KCNH7: variants seen among roughly 807,000 people sequenced by gnomAD.
KCNH7 encodes the protein voltage-gated inwardly rectifying potassium channel KCNH7.
A neutral mutation model predicts 120.8 loss-of-function variants in KCNH7; 49 were observed. The observed-to-expected ratio is 0.41, with a 90% CI of 0.32 to 0.51. The LOEUF is 0.51. KCNH7 is among the 20% of genes least tolerant of loss of function. The probability of loss-of-function intolerance (pLI) is 0.38; values close to 1 mark genes in which losing one functional copy is unlikely to be tolerated. For missense variants in KCNH7, 1,097 were observed against 1,446.6 expected, an observed-to-expected ratio of 0.76 and a Z score of 3.92; for synonymous variants, 547 against 516.1, an observed-to-expected ratio of 1.06 and a Z score of -0.81.
intron 2 of KCNH7, among the ~76,000 whole-genome samples, chr2:162,817,735 T>A (rs1435165465): frequency 2.0e-5 from 3 of 152,126 alleles, no homozygotes; most frequent in Non-Finnish European, 2.9e-5. Context: ...GTTCTCAGTC[T>A]TTTCAATTTT....
Position 162,770,824 on chromosome 2 carries a change from C to T in KCNH7, c.307+65713G>A, listed in dbSNP as rs550669611. ...GAATTTCCCAAATATTTGCAACTAA[C>T]GTCCCACTAGTTATCTCAATTGCAC... On this transcript the variant is annotated intron_variant, in intron 2 of 15. Transcript: ENST00000332142. Among the ~76,000 whole-genome samples, 5 of 152,160 alleles carry T rather than the reference C, an allele frequency of 3.3e-5. No homozygotes were observed. The South Asian group carries it at 1.0e-3, about 32-fold the overall frequency.
intron 2 of KCNH7, among the ~76,000 whole-genome samples, chr2:162,732,497 T>C (rs1574318961): frequency 6.6e-6 from 1 of 151,908 alleles, no homozygotes; most frequent in African/African-American, 2.4e-5. Context: ...AAAGATAGAG[T>C]GCTTTAAAAG....
At chr2:162,471,108 C>CGGA (rs1689509292) in intron 6 of KCNH7, among the ~76,000 whole-genome samples, 1 of 152,144 alleles carries the variant, frequency 6.6e-6, no homozygotes, top group African/African-American at 2.4e-5. Context: ...ACAAACACTG[C>CGGA]GGAGGGCCGC....
intron 9 of KCNH7, among the ~76,000 whole-genome samples, chr2:162,408,278 G>T (rs1259468503): frequency 6.6e-6 from 1 of 151,992 alleles, no homozygotes; most frequent in Non-Finnish European, 1.5e-5. Context: ...TACCAATTGG[G>T]TATTGTTTCT....
chr2:162,466,046 C>T (rs889065399), intron 6 of KCNH7, among the ~76,000 whole-genome samples: 6 of 152,204 alleles, frequency 3.9e-5, no homozygotes, highest in African/African-American at 1.4e-4. Context: ...ACCGCATCTA[C>T]TTCCTTGCCA....
In KCNH7 at chr2:162,716,498, A is replaced by T. The variant is rs1293953360; in HGVS notation, c.307+120039T>A. Among the ~76,000 whole-genome samples, 3 of 152,284 alleles carry T rather than the reference A, an allele frequency of 2.0e-5. No homozygotes were observed. In the East Asian group the frequency reaches 5.8e-4, roughly 29 times the overall value. ...GAAGATAGATTATATGTGTTCTTTC[A>T]TCTCTGTTTCCTAGATTGCTGAGTG... On this transcript the variant is annotated intron_variant, in intron 2 of 15. Coordinates refer to ENST00000332142, the MANE Select transcript of KCNH7 (RefSeq NM_033272.4).
intron 6 of KCNH7, among the ~76,000 whole-genome samples, chr2:162,475,200 T>C (rs553808398): frequency 4.3e-4 from 65 of 152,354 alleles, no homozygotes; most frequent in Non-Finnish European, 6.0e-4. Context: ...ATGTGGCGAA[T>C]GACACTGTTT....
rs1325537534 is a variant in KCNH7, at chr2:162,379,940, G to C, written c.3044C>G (p.Ala1015Gly). 6.2e-7 allele frequency: 1 copy of C among 1,614,054 alleles called. No individual in the cohort carries two copies. Among genetic ancestry groups the C allele is most frequent in the Admixed American group, 1.7e-5 (1 of 60,008 alleles). The change falls in exon 14 of 16, where the codon GCT (alanine) becomes GGT (glycine). Residue 1015 changes from alanine to glycine, a missense_variant. Transcript: ENST00000332142. The stretch of plus-strand genomic sequence containing the variant: ...TTCGGTTTCAGAGATACCCCAGGCA[G>C]CTCGCTGAAGTGCAGATGGACTGGA... ...EDSSPSALQR[A>G]AWGISETESD...
At chr2:162,628,382 C>A (rs578155451) in intron 2 of KCNH7, among the ~76,000 whole-genome samples, 21 of 152,224 alleles carry the variant, frequency 1.4e-4, no homozygotes, top group African/African-American at 4.8e-4. Flanking sequence ...TTACCCCATC[C>A]TTTCCACACT....
At chr2:162,784,258 GT>G (rs1683618979) in intron 2 of KCNH7, among the ~76,000 whole-genome samples, 1 of 152,026 alleles carries the variant, frequency 6.6e-6, no homozygotes. Context: ...CTATCACATT[GT>G]TTTATTTAAT....
chr2:162,699,663 G>A (rs529427474), intron 2 of KCNH7, among the ~76,000 whole-genome samples: 10 of 152,134 alleles, frequency 6.6e-5, no homozygotes, highest in Non-Finnish European at 1.2e-4. Context: ...TTGATAGCAT[G>A]TCTTTTATTT....
chr2:162,712,267 G>GT (rs141319886), intron 2 of KCNH7, among the ~76,000 whole-genome samples: 3,102 of 149,332 alleles, frequency 0.021, 102 homozygotes, highest in African/African-American at 0.071. Flanking sequence ...TGTGATGCAC[G>GT]TTTTTTTTTT....
At position 162,815,860 on chromosome 2, in the gene KCNH7, A is replaced by G. The variant is rs1426883368; in HGVS notation, c.307+20677T>C. On this transcript the variant is annotated intron_variant, in intron 2 of 15. Coordinates refer to ENST00000332142, the MANE Select transcript of KCNH7 (RefSeq NM_033272.4). ...CATCTAAATTTCAGGATTATGGTGA[A>G]GAAGAGATCCATCTGACCACATAAG... Among the ~76,000 whole-genome samples the G allele has an allele frequency of 2.0e-5, 3 of 152,214 alleles. No homozygotes were observed. In the East Asian group the frequency reaches 5.8e-4, roughly 29 times the overall value.
In KCNH7 at chr2:162,451,393, A is replaced by G. The variant is rs1414327046; in HGVS notation, c.1129-4950T>C. Among the ~76,000 whole-genome samples the G allele has an allele frequency of 3.9e-5, 6 of 152,110 alleles. No individual in the cohort carries two copies. The East Asian group carries it at 9.6e-4, about 24-fold the overall frequency. On this transcript the variant is annotated intron_variant, in intron 6 of 15. Transcript: ENST00000332142. ...AAAGCTGTATATTGACTGAATATTG[A>G]TAATATTACAGAATTGTTTTAGTTA...
chr2:162,809,077 G>C (rs368606785), intron 2 of KCNH7, among the ~76,000 whole-genome samples: 1 of 152,124 alleles, frequency 6.6e-6, no homozygotes, highest in Non-Finnish European at 1.5e-5. Context: ...TTTAGATGGA[G>C]TCATTTTCAA....
In KCNH7 at chr2:162,620,161, T is replaced by G. The variant is rs187853234; in HGVS notation, c.308-83081A>C. Among the ~76,000 whole-genome samples, 778 of 149,382 alleles carry G rather than the reference T, an allele frequency of 5.2e-3. 8 individuals carry two copies. Among genetic ancestry groups the G allele is most frequent in the African/African-American group, 4.9e-3 (200 of 40,970 alleles). On this transcript the variant is annotated intron_variant, in intron 2 of 15. Coordinates refer to ENST00000332142, the MANE Select transcript of KCNH7 (RefSeq NM_033272.4). ...GGGTAGAGAAATATAGATATATATA[T>G]AGAGAGAGAGATAGATATTTTTGTT...
At chr2:162,745,175 A>T (rs1029515988) in intron 2 of KCNH7, among the ~76,000 whole-genome samples, 4 of 152,194 alleles carry the variant, frequency 2.6e-5, no homozygotes, top group African/African-American at 9.7e-5. Context: ...CTTCTAGCCC[A>T]TTAGAGACCA....
chr2:162,586,613 CCTGATTAA>C, intron 2 of KCNH7, among the ~76,000 whole-genome samples: 1 of 151,352 alleles, frequency 6.6e-6, no homozygotes, highest in Non-Finnish European at 1.5e-5. Flanking sequence ...GTTTGAAATG[CCTGATTAA>C]CTGATGCAGT....
At position 162,473,654 on chromosome 2, in the gene KCNH7, C is replaced by T. The variant is rs569711652; in HGVS notation, c.1129-27211G>A. Among the ~76,000 whole-genome samples, 6 of 152,270 alleles carry T rather than the reference C, an allele frequency of 3.9e-5. No individual in the cohort carries two copies. The East Asian group carries it at 1.2e-3, about 29-fold the overall frequency. ...AAGGACATATTTATTATATGCCAGG[C>T]ACTGGGCTAGGCTCTGTGGATACAG... On this transcript the variant is annotated intron_variant, in intron 6 of 15. Transcript: ENST00000332142.
Sources: allele counts gnomAD v4.1 joint callset (sites outside exome capture counted in the v4.1 genomes callset), GRCh38; gene constraint gnomAD v4.1.1; transcripts MANE v1.5; gene names NCBI Gene and HGNC (gene_info 2026-07-23, HGNC 2026-07-21).